Variants in TENM3 observed in about 807,000 individuals in gnomAD.
The protein encoded by TENM3 is teneurin transmembrane protein 3.
Under a neutral mutation model 255.1 loss-of-function variants are expected in TENM3, and 63 were observed. That is an observed-to-expected ratio of 0.25 (90% CI 0.20 to 0.30). The LOEUF is 0.30. Among genes scored for constraint, TENM3 ranks in the 10% least tolerant of loss-of-function variants. The pLI, the probability that TENM3 is intolerant of heterozygous loss-of-function variation, is 1.00. For synonymous variants in TENM3, 1,306 were observed against 1,322.3 expected (o/e 0.99, Z 0.27); for missense variants, 2,929 against 3,461.1 (o/e 0.85, Z 3.86).
chr4:182,622,175 C>T (rs1297780911), intron 4 of TENM3, among the ~76,000 whole-genome samples: 1 of 151,910 alleles, frequency 6.6e-6, no homozygotes, highest in African/African-American at 2.4e-5. Context: ...GCCTGGCCAA[C>T]ATGATGAAAC....
chr4:182,346,016 G>A (rs1038366635), intron 2 of TENM3, among the ~76,000 whole-genome samples: 1 of 151,872 alleles, frequency 6.6e-6, no homozygotes, highest in Non-Finnish European at 1.5e-5. Context: ...TTTTTTAGAC[G>A]TTATACTCCA....
At chr4:181,772,513 T>C in the TENM3 span, among the ~76,000 whole-genome samples, 8 of 152,252 alleles carry the variant, frequency 5.3e-5, no homozygotes, top group African/African-American at 1.9e-4. Flanking sequence ...GCTAATACTT[T>C]GATTTTAAAA....
At chr4:182,417,510 A>G (rs925073274) in intron 3 of TENM3, among the ~76,000 whole-genome samples, 5 of 151,890 alleles carry the variant, frequency 3.3e-5, no homozygotes, top group Non-Finnish European at 7.4e-5. Context: ...CTTTTTTTGT[A>G]GTTTGCTAAC....
intron 3 of TENM3, among the ~76,000 whole-genome samples, chr4:182,462,439 C>G (rs1022387457): frequency 7.9e-5 from 12 of 151,460 alleles, no homozygotes; most frequent in Non-Finnish European, 1.6e-4. Flanking sequence ...TGGTAAATCC[C>G]AGGTCAGAGA....
chr4:181,951,058 C>A, the TENM3 span, among the ~76,000 whole-genome samples: 1,575 of 152,040 alleles, frequency 0.01, 18 homozygotes, highest in Non-Finnish European at 0.016. Flanking sequence ...ACAAAAACAT[C>A]AACAAACAAA....
the TENM3 span, among the ~76,000 whole-genome samples, chr4:181,540,609 T>A: frequency 1.3e-5 from 2 of 152,158 alleles, no homozygotes; most frequent in African/African-American, 4.8e-5. Flanking sequence ...AAAGATCACT[T>A]TAGCCCTGTG....
chr4:182,250,890 T>C (rs866158673), intron 1 of TENM3, among the ~76,000 whole-genome samples: 6 of 152,370 alleles, frequency 3.9e-5, no homozygotes, highest in African/African-American at 1.2e-4. Flanking sequence ...TGATTCCAGC[T>C]GGAAGCTTAT....
At position 182,793,732 on chromosome 4, in the gene TENM3, G is replaced by C. The variant is rs1467662999; in HGVS notation, c.7060G>C (p.Glu2354Gln). The change falls in exon 26 of 28, where the codon GAA becomes CAA. Residue 2354 changes from glutamate to glutamine, a missense_variant. Physicochemically the swap from Glu to Gln is conservative, Grantham distance 29. This residue lies in a region of TENM3 where 256 missense variants were observed against 389.3 expected (regional missense o/e 0.66). Coordinates refer to ENST00000511685, the MANE Select transcript of TENM3 (RefSeq NM_001080477.4). This position sits in a 1 kb window ranked among gnomAD's most constrained non-coding sequence, Gnocchi z 5.7. ...DPLTKLIHFG[E>Q]RDYDILAGRW... ...ACTCACCAAATTAATCCACTTTGGAGAAAGAGATTATGACATTTTGGCAGG... is the reference window on the plus strand; with the variant it reads ...ACTCACCAAATTAATCCACTTTGGACAAAGAGATTATGACATTTTGGCAGG... 9 of 1,614,050 alleles carry C rather than the reference G, an allele frequency of 5.6e-6. No individual in the cohort carries two copies. Among genetic ancestry groups the C allele is most frequent in the Non-Finnish European group, 6.8e-6 (8 of 1,179,892 alleles).
At chr4:182,106,510 A>T in the TENM3 span, among the ~76,000 whole-genome samples, 1 of 152,200 alleles carries the variant, frequency 6.6e-6, no homozygotes, top group African/African-American at 2.4e-5. Context: ...CCAAAAGGTC[A>T]GTCAGACTTC....
At chr4:182,769,135 C>T (rs866359360) in intron 22 of TENM3, among the ~76,000 whole-genome samples, 5 of 152,308 alleles carry the variant, frequency 3.3e-5, no homozygotes, top group African/African-American at 9.6e-5. Flanking sequence ...AATCTGAATC[C>T]GCCCAGAGGC....
chr4:182,261,849 A>G lies in TENM3; in HGVS notation c.-76+18373A>G, dbSNP rs144473217. On this transcript the variant is annotated intron_variant, in intron 1 of 27. Coordinates refer to ENST00000511685, the MANE Select transcript of TENM3 (RefSeq NM_001080477.4). Reference sequence around the variant, plus strand: ...CATGTGGTATAACTTTACTGCATAGACACACTTCACACACCTCCAGGTCAC... The same window carrying G: ...CATGTGGTATAACTTTACTGCATAGGCACACTTCACACACCTCCAGGTCAC... Among the ~76,000 whole-genome samples the G allele has an allele frequency of 5.8e-3, 889 of 152,360 alleles. 16 individuals are homozygous for G. The highest frequency in any genetic ancestry group is 0.02 in the African/African-American group (820 of 41,588).
the TENM3 span, among the ~76,000 whole-genome samples, chr4:181,905,191 T>C: frequency 5.9e-5 from 9 of 152,216 alleles, no homozygotes; most frequent in Non-Finnish European, 1.5e-5. Flanking sequence ...TTGCCTTATT[T>C]TTTACAGCAC....
At chr4:181,668,267 C>T in the TENM3 span, among the ~76,000 whole-genome samples, 1 of 152,200 alleles carries the variant, frequency 6.6e-6, no homozygotes, top group Non-Finnish European at 1.5e-5. Flanking sequence ...TGTTTCTACC[C>T]TATCACTAGG....
chr4:181,937,141 G>A, the TENM3 span, among the ~76,000 whole-genome samples: 9 of 152,308 alleles, frequency 5.9e-5, no homozygotes, highest in Middle Eastern at 3.4e-3. Context: ...AAGCACCAGC[G>A]TGTGCAAAGC....
the TENM3 span, among the ~76,000 whole-genome samples, chr4:181,449,854 T>C: frequency 2.6e-5 from 4 of 152,200 alleles, no homozygotes; most frequent in Non-Finnish European, 5.9e-5. Context: ...TTTTGTTTGG[T>C]ATTTGGACAC....
At chr4:182,449,683 G>T (rs1773288582) in intron 3 of TENM3, among the ~76,000 whole-genome samples, 1 of 152,138 alleles carries the variant, frequency 6.6e-6, no homozygotes, top group African/African-American at 2.4e-5. Flanking sequence ...TGCTTAATGG[G>T]GGAAAAGGTA....
chr4:181,691,865 G>A, the TENM3 span, among the ~76,000 whole-genome samples: 2 of 152,106 alleles, frequency 1.3e-5, no homozygotes, highest in Non-Finnish European at 2.9e-5. Flanking sequence ...ATCTCCCAGA[G>A]CAGAAATTAA....
the TENM3 span, among the ~76,000 whole-genome samples, chr4:181,536,641 C>T: frequency 7.2e-5 from 11 of 152,290 alleles, no homozygotes; most frequent in Non-Finnish European, 1.2e-4. Context: ...ATTTCTACCA[C>T]GTCATTAGTT....
At chr4:182,633,355 A>G (rs781745583) in intron 5 of TENM3, among the ~76,000 whole-genome samples, 3 of 152,226 alleles carry the variant, frequency 2.0e-5, no homozygotes, top group Non-Finnish European at 4.4e-5. Context: ...TTAGCTCTTC[A>G]TTCTAGACGC....
Sources: gnomAD v4.1 joint callset for allele counts (sites outside exome capture counted in the v4.1 genomes callset) on GRCh38, gnomAD v4.1.1 for gene constraint, gnomAD v4.1.1 regional missense constraint, Gnocchi (gnomAD v3.1) non-coding constraint, MANE v1.5 for transcripts, NCBI Gene and HGNC (gene_info 2026-07-23, HGNC 2026-07-21) for gene names.